EFNA5: variants seen among roughly 807,000 people sequenced by gnomAD.
EFNA5 encodes the protein ephrin-A5.
Under a neutral mutation model 22.9 loss-of-function variants are expected in EFNA5, and 5 were observed. The observed-to-expected ratio is 0.22, with a 90% CI of 0.11 to 0.46. EFNA5 has a LOEUF of 0.46. Ranked by LOEUF, EFNA5 falls within the 20% of genes least tolerant of loss-of-function variation. The pLI, the probability that EFNA5 is intolerant of heterozygous loss-of-function variation, is 0.99. For synonymous variants in EFNA5, 113 were observed against 112.2 expected (o/e 1.01, Z -0.04); for missense variants, 237 against 293.3 (o/e 0.81, Z 1.40).
intron 1 of EFNA5, among the ~76,000 whole-genome samples, chr5:107,492,352 A>G (rs1442415553): frequency 6.6e-6 from 1 of 152,246 alleles, no homozygotes; most frequent in African/African-American, 2.4e-5. Flanking sequence ...GTTATATGTC[A>G]TCCTTTTATT....
At chr5:107,546,678 ACACACACACT>A (rs1365832882) in intron 1 of EFNA5, among the ~76,000 whole-genome samples, 4 of 123,836 alleles carry the variant, frequency 3.2e-5, no homozygotes, top group Non-Finnish European at 5.2e-5. Context: ...ACACACACAC[ACACACACACT>A]CTCACCCCTG....
chr5:107,476,498 AAAACAGACCCTTCT>A (rs1480521305), intron 1 of EFNA5, among the ~76,000 whole-genome samples: 1 of 152,182 alleles, frequency 6.6e-6, no homozygotes, highest in Non-Finnish European at 1.5e-5. Context: ...TTAGAGTTTC[AAAACAGACCCTTCT>A]ATTCCTGCTG....
intron 1 of EFNA5, among the ~76,000 whole-genome samples, chr5:107,578,494 A>G (rs1440292043): frequency 6.6e-6 from 1 of 152,184 alleles, no homozygotes; most frequent in Non-Finnish European, 1.5e-5. Flanking sequence ...AGAGGAAAAA[A>G]AGTGAGAAAT....
intron 1 of EFNA5, among the ~76,000 whole-genome samples, chr5:107,489,083 A>G (rs1430610273): frequency 6.6e-6 from 1 of 152,230 alleles, no homozygotes; most frequent in African/African-American, 2.4e-5. Context: ...TTAAAATTCA[A>G]GGTATATATA....
chr5:107,557,985 G>T (rs1748459518), intron 1 of EFNA5, among the ~76,000 whole-genome samples: 1 of 152,066 alleles, frequency 6.6e-6, no homozygotes, highest in Admixed American at 6.5e-5. Context: ...CTACCCCCAC[G>T]GTATAGGTGG....
intron 1 of EFNA5, among the ~76,000 whole-genome samples, chr5:107,511,462 A>T (rs1356300398): frequency 6.6e-6 from 1 of 152,242 alleles, no homozygotes; most frequent in Non-Finnish European, 1.5e-5. Flanking sequence ...GTAGTCAAGC[A>T]TGAAACTGGT....
At chr5:107,428,898 T>C (rs1439775721) in intron 1 of EFNA5, among the ~76,000 whole-genome samples, 1 of 152,232 alleles carries the variant, frequency 6.6e-6, no homozygotes, top group African/African-American at 2.4e-5. Flanking sequence ...ATTCCTCTTC[T>C]GCAAGGGAGT....
intron 1 of EFNA5, among the ~76,000 whole-genome samples, chr5:107,597,694 G>A (rs1749502525): frequency 6.6e-6 from 1 of 152,164 alleles, no homozygotes; most frequent in South Asian, 2.1e-4. Flanking sequence ...CTTGTGTATT[G>A]TTGCTGCTTC....
chr5:107,638,360 A>AT (rs1750431001), intron 1 of EFNA5, among the ~76,000 whole-genome samples: 1 of 152,298 alleles, frequency 6.6e-6, no homozygotes, highest in South Asian at 2.1e-4. Flanking sequence ...TGGGTGAAGA[A>AT]AGTAGAGAGA....
Position 107,427,082 on chromosome 5 carries a change from A to G in EFNA5, c.418+135T>C, listed in dbSNP as rs1401722752. 6.6e-6 allele frequency: 6 copies of G among 907,720 alleles called. No homozygotes were observed. In the East Asian group the frequency reaches 1.6e-4, roughly 24 times the overall value. 56.2% of individuals were successfully genotyped at this position (907,720 alleles called of 1,614,324 possible). A position where few individuals can be genotyped will look rare whatever the true frequency, so the allele number is the denominator to read the frequency against. On this transcript the variant is annotated intron_variant, in intron 2 of 4. Transcript: ENST00000333274. ...CAATTCCCAGCTAATGTATCTAGGGATCCTGATGTACGCATTTACAAGGAG... is the reference window on the plus strand; with the variant it reads ...CAATTCCCAGCTAATGTATCTAGGGGTCCTGATGTACGCATTTACAAGGAG...
At chr5:107,629,764 T>A (rs1457928745) in intron 1 of EFNA5, among the ~76,000 whole-genome samples, 1 of 152,146 alleles carries the variant, frequency 6.6e-6, no homozygotes, top group Non-Finnish European at 1.5e-5. Context: ...TCTTAAAACA[T>A]TATGAGATGT....
At chr5:107,467,784 C>T (rs578086946) in intron 1 of EFNA5, among the ~76,000 whole-genome samples, 3 of 152,154 alleles carry the variant, frequency 2.0e-5, no homozygotes, top group African/African-American at 2.4e-5. Context: ...AATGTTACCA[C>T]GCTGTCTTTC....
At chr5:107,438,468 G>A (rs1256511902) in intron 1 of EFNA5, among the ~76,000 whole-genome samples, 1 of 152,206 alleles carries the variant, frequency 6.6e-6, no homozygotes, top group Non-Finnish European at 1.5e-5. Context: ...GCAACCATGA[G>A]CTGGAAATCC....
At chr5:107,602,381 T>A (rs1405919600) in intron 1 of EFNA5, among the ~76,000 whole-genome samples, 1 of 152,078 alleles carries the variant, frequency 6.6e-6, no homozygotes, top group Non-Finnish European at 1.5e-5. Context: ...CAAATAACCA[T>A]TCCAAGAAAG....
At chr5:107,640,690 C>G (rs1750480974) in intron 1 of EFNA5, among the ~76,000 whole-genome samples, 1 of 152,188 alleles carries the variant, frequency 6.6e-6, no homozygotes, top group Admixed American at 6.5e-5. Flanking sequence ...TTGGAAGAGG[C>G]TAATGAAACA....
intron 2 of EFNA5, among the ~76,000 whole-genome samples, chr5:107,392,438 A>C (rs1747812645): frequency 6.6e-6 from 1 of 152,212 alleles, no homozygotes; most frequent in Non-Finnish European, 1.5e-5. Flanking sequence ...ACTTCCAGCC[A>C]AGAGGTACAA....
intron 1 of EFNA5, among the ~76,000 whole-genome samples, chr5:107,568,425 A>G (rs1016062594): frequency 2.0e-5 from 3 of 152,256 alleles, no homozygotes; most frequent in Non-Finnish European, 2.9e-5. Context: ...TCCTACAGAG[A>G]GGACATGCCT....
At chr5:107,532,717 T>C (rs1031905466) in intron 1 of EFNA5, among the ~76,000 whole-genome samples, 2 of 152,216 alleles carry the variant, frequency 1.3e-5, no homozygotes, top group African/African-American at 4.8e-5. Flanking sequence ...CCACCTGCCA[T>C]ATGGCTGTCT....
At chr5:107,656,547 CAGAATATATATAAAGTGAGATTCACA>C (rs1409970681) in intron 1 of EFNA5, among the ~76,000 whole-genome samples, 1 of 151,876 alleles carries the variant, frequency 6.6e-6, no homozygotes, top group Non-Finnish European at 1.5e-5. Context: ...TGCAACTTAC[CAGAATATATATAAAGTGAGATTCACA>C]AGAATATATA....
Sources: allele counts gnomAD v4.1 joint callset (sites outside exome capture counted in the v4.1 genomes callset), GRCh38; gene constraint gnomAD v4.1.1; transcripts MANE v1.5; gene names NCBI Gene and HGNC (gene_info 2026-07-23, HGNC 2026-07-21).